TECTA: variants seen among roughly 807,000 people sequenced by gnomAD.
TECTA encodes the protein tectorin alpha, also known as alpha-tectorin.
Under a neutral mutation model 216.8 loss-of-function variants are expected in TECTA, and 128 were observed. The observed-to-expected ratio is 0.59, with a 90% CI of 0.51 to 0.68. The LOEUF (loss-of-function observed/expected upper bound fraction) is 0.68, where lower values mean the gene tolerates loss of function less well. TECTA is among the 30% of genes least tolerant of loss of function. The pLI is 0.00. For synonymous variants in TECTA, 1,089 were observed against 1,117.1 expected (o/e 0.97, Z 0.50); for missense variants, 2,551 against 2,786.2 (o/e 0.92, Z 1.90).
chr11:121,152,994 C>CA lies in TECTA; in HGVS notation c.4220dup (p.His1407GlnfsTer144). ...CAGCCACTACTGCGTGGAGGGCTGT[C>CA]ACTGCGACGCTGGCTACGTCCTCAA... On this transcript the variant is annotated frameshift_variant, in exon 13 of 24. Coordinates refer to ENST00000392793, the MANE Select transcript of TECTA (RefSeq NM_005422.4). LOFTEE classifies it high-confidence loss of function. The CA allele has an allele frequency of 6.2e-7, 1 of 1,614,192 alleles. No homozygotes were observed.
chr11:121,134,339 A>ACACACACACACACACACACACACACACG, intron 10 of TECTA, among the ~76,000 whole-genome samples: 1 of 151,674 alleles, frequency 6.6e-6, no homozygotes, highest in African/African-American at 2.4e-5. Context: ...ACACACACAC[A>ACACACACACACACACACACACACACACG]CACACACACG....
chr11:121,106,923 G>C (rs1220409970), intron 3 of TECTA, among the ~76,000 whole-genome samples: 1 of 152,212 alleles, frequency 6.6e-6, no homozygotes, highest in Non-Finnish European at 1.5e-5. Flanking sequence ...TCTGGGAGGA[G>C]GAGCCAGTAA....
chr11:121,102,877 G>C, intron 2 of TECTA, 148 bp downstream of exon 2: 1 of 764,040 alleles, frequency 1.3e-6, no homozygotes, highest in Non-Finnish European at 2.3e-6. Flanking sequence ...TATTATCAAG[G>C]GTAAAATTCA....
At position 121,118,415 on chromosome 11, in the gene TECTA, C is replaced by T. The variant is rs1262222510; in HGVS notation, c.900C>T (p.Ser300=). 1.2e-6 allele frequency: 2 copies of T among 1,614,062 alleles called. No individual in the cohort carries two copies. Among genetic ancestry groups the T allele is most frequent in the African/African-American group, 1.3e-5 (1 of 74,912 alleles). ...NEIYCQEASC[S]PYEVCEPKGK... ...TCTACTGCCAGGAGGCTTCCTGTAG[C>T]CCCTACGAGGTGTGCGAACCCAAAG... Residue 300 remains serine, a synonymous_variant, in exon 7 of 24, where the codon AGC becomes AGT. Transcript: ENST00000392793.
intron 12 of TECTA, among the ~76,000 whole-genome samples, chr11:121,147,584 C>A (rs957023732): frequency 1.5e-4 from 23 of 152,180 alleles, no homozygotes; most frequent in African/African-American, 5.5e-4. Context: ...GATAAATCCC[C>A]AGGGCTACTC....
At chr11:121,180,214 C>A (rs1947212860) in intron 20 of TECTA, among the ~76,000 whole-genome samples, 1 of 151,856 alleles carries the variant, frequency 6.6e-6, no homozygotes, top group African/African-American at 2.4e-5. Flanking sequence ...ATATGATCTG[C>A]CATTGAGTTT....
intron 20 of TECTA, among the ~76,000 whole-genome samples, chr11:121,179,147 T>C (rs568928305): frequency 1.3e-5 from 2 of 152,246 alleles, no homozygotes; most frequent in African/African-American, 2.4e-5. Context: ...TTTTCTACTT[T>C]TTTGATGTAG....
chr11:121,119,014 C>CACAT (rs1565520064), intron 7 of TECTA, among the ~76,000 whole-genome samples: 3 of 100,472 alleles, frequency 3.0e-5, no homozygotes, highest in Non-Finnish European at 4.9e-5. Flanking sequence ...CACACACACA[C>CACAT]ACACACACAC....
chr11:121,179,793 C>T (rs891394500), intron 20 of TECTA, among the ~76,000 whole-genome samples: 54 of 152,166 alleles, frequency 3.5e-4, no homozygotes, highest in African/African-American at 1.3e-3. Flanking sequence ...TCTCTTTTTA[C>T]AGCCTTTGAC....
At chr11:121,161,856 C>T (rs1451940357) in intron 15 of TECTA, among the ~76,000 whole-genome samples, 3 of 151,926 alleles carry the variant, frequency 2.0e-5, no homozygotes, top group Non-Finnish European at 4.4e-5. Context: ...CCATTTTACC[C>T]TCACTGTATT....
At position 121,162,292 on chromosome 11, in the gene TECTA, G is replaced by T. The variant is rs764907737; in HGVS notation, c.5194G>T (p.Gly1732Cys). 1 of 1,613,634 alleles carries T rather than the reference G, an allele frequency of 6.2e-7. No individual in the cohort carries two copies. The highest frequency in any genetic ancestry group is 8.5e-7 in the Non-Finnish European group (1 of 1,180,042). Residue 1732 changes from glycine (G) to cysteine (C), a missense_variant, in exon 16 of 24, where the codon GGC becomes TGC. Physicochemically the swap from Gly to Cys is radical, Grantham distance 159. Coordinates refer to ENST00000392793, the MANE Select transcript of TECTA (RefSeq NM_005422.4). ...CYSHKKFQLC[G>C]SLAAYGEACR... Reference sequence around the variant, plus strand: ...CAGCCACAAGAAGTTCCAGCTGTGCGGCTCCCTGGCCGCCTACGGGGAGGC... The same window carrying T: ...CAGCCACAAGAAGTTCCAGCTGTGCTGCTCCCTGGCCGCCTACGGGGAGGC...
chr11:121,126,169 G>C (rs1218525380), intron 8 of TECTA, among the ~76,000 whole-genome samples: 1 of 152,216 alleles, frequency 6.6e-6, no homozygotes, highest in African/African-American at 2.4e-5. Context: ...GAGGAGGTGG[G>C]TTGTCCAGAG....
rs559306344 is a variant in TECTA at position 121,105,840 on chromosome 11, G to C, written c.74G>C (p.Arg25Thr). The C allele has an allele frequency of 6.8e-6, 11 of 1,614,140 alleles. No individual in the cohort carries two copies. In the South Asian group the frequency reaches 9.9e-5, roughly 15 times the overall value. The change falls in exon 3 of 24, where the codon AGG becomes ACG. Residue 25 changes from arginine (R) to threonine (T), a missense_variant. By Grantham distance (71) the Arg-to-Thr change is moderately conservative. Coordinates refer to ENST00000392793, the MANE Select transcript of TECTA (RefSeq NM_005422.4). The surrounding 1 kb of genome is among the most constrained non-coding windows in gnomAD (Gnocchi z 5.3). Reference sequence around the variant, plus strand: ...TCATCTCTCTTGACAGCTCAGCCCAGGGAGCTCATGTATCCATTTTGGCAG... The same window carrying C: ...TCATCTCTCTTGACAGCTCAGCCCACGGAGCTCATGTATCCATTTTGGCAG... ...FALVQHQAQP[R>T]ELMYPFWQND...
At position 121,159,435 on chromosome 11, in the gene TECTA, C is replaced by G. The variant is rs115571049; in HGVS notation, c.4690-700C>G. On this transcript the variant is annotated intron_variant, in intron 14 of 23. Coordinates refer to ENST00000392793, the MANE Select transcript of TECTA (RefSeq NM_005422.4). ...GACTCATTTTTGAAAAAGGTGCCTA[C>G]TTTTTCATTTATTTTAAGGTATAAA... 3.1e-3 allele frequency among the ~76,000 whole-genome samples: 474 copies of G among 152,246 alleles called. 1 individual carries two copies. Among genetic ancestry groups the G allele is most frequent in the African/African-American group, 0.011 (453 of 41,534 alleles).
chr11:121,189,160 G>A lies in TECTA; in HGVS notation c.6243G>A (p.Arg2081=), dbSNP rs1338121701. 4.3e-6 allele frequency: 7 copies of A among 1,613,988 alleles called. No homozygotes were observed. Among genetic ancestry groups the A allele is most frequent in the Non-Finnish European group, 5.9e-6 (7 of 1,179,918 alleles). ...AGATCATTTCAGTGGGACCTATTAG[G>A]AGAAAAAGTATGTATGTTCCCTAAA... ...KEQIISVGPI[R]RKRLDWCEDN... is the part of the protein sequence containing the mutation. Residue 2081 remains arginine, a synonymous_variant, in exon 22 of 24, where the codon AGG becomes AGA. Coordinates refer to ENST00000392793, the MANE Select transcript of TECTA (RefSeq NM_005422.4).
intron 20 of TECTA, among the ~76,000 whole-genome samples, chr11:121,171,580 C>T (rs1200155186): frequency 1.3e-5 from 2 of 151,960 alleles, no homozygotes; most frequent in Non-Finnish European, 2.9e-5. Context: ...TTCCATTTGT[C>T]CTCTTCAATT....
intron 7 of TECTA, among the ~76,000 whole-genome samples, chr11:121,119,006 C>CACAAACACACAT (rs1282245034): frequency 1.2e-3 from 113 of 93,536 alleles, no homozygotes; most frequent in African/African-American, 3.8e-3. Flanking sequence ...CACACACACA[C>CACAAACACACAT]ACACACACAC....
Position 121,128,008 on chromosome 11 carries a change from C to T in TECTA, c.2031C>T (p.Cys677=). The stretch of plus-strand genomic sequence containing the variant: ...CCAACTGCACTGTGCAATGCCTGTG[C>T]GAGGAGGGCGGGGACGTCTACTGCT... ...ATANCTVQCL[C]EEGGDVYCFN... The change falls in exon 9 of 24, where the codon TGC becomes TGT. Residue 677 remains cysteine (C), a synonymous_variant. Transcript: ENST00000392793. The T allele has an allele frequency of 6.2e-7, 1 of 1,613,804 alleles. No individual in the cohort carries two copies. Among genetic ancestry groups the T allele is most frequent in the Non-Finnish European group, 8.5e-7 (1 of 1,179,972 alleles).
rs145341232 is a variant in TECTA, at chr11:121,117,657, C to T, written c.791-649C>T. Among the ~76,000 whole-genome samples, 293 of 152,278 alleles carry T rather than the reference C, an allele frequency of 1.9e-3. 1 individual carries two copies. Among genetic ancestry groups the T allele is most frequent in the African/African-American group, 6.7e-3 (278 of 41,538 alleles). ...AGAGAAGTCCTGGACTTGGACAGGG[C>T]CCTAGAGTGGGAAAGAAGACAATTT... On this transcript the variant is annotated intron_variant, in intron 6 of 23. Transcript: ENST00000392793.
Sources: gnomAD v4.1 joint callset for allele counts (sites outside exome capture counted in the v4.1 genomes callset) on GRCh38, gnomAD v4.1.1 for gene constraint, Gnocchi (gnomAD v3.1) non-coding constraint, MANE v1.5 for transcripts, NCBI Gene and HGNC (gene_info 2026-07-23, HGNC 2026-07-21) for gene names.